Variants in NOSTRIN observed in about 807,000 individuals in gnomAD.
NOSTRIN encodes BM247 homolog.
In NOSTRIN, 63 loss-of-function variants were observed where a neutral mutation model predicts 59.0. The ratio of observed to expected loss-of-function variants is 1.07; its 90% CI spans 0.87 to 1.32. The LOEUF (loss-of-function observed/expected upper bound fraction) is 1.32. Among genes scored for constraint, NOSTRIN ranks in the 40% most tolerant of loss-of-function variants. The probability of loss-of-function intolerance (pLI) is 0.00; values close to 1 mark genes in which losing one functional copy is unlikely to be tolerated. For missense variants in NOSTRIN, 512 were observed against 473.1 expected (o/e 1.08, Z -0.76); for synonymous variants, 200 against 165.4 (o/e 1.21, Z -1.61).
At chr2:168,813,615 C>CT (rs1390160535) in intron 2 of NOSTRIN, among the ~76,000 whole-genome samples, 27 of 152,150 alleles carry the variant, frequency 1.8e-4, no homozygotes, top group Admixed American at 5.9e-4. Flanking sequence ...TCTAGAGTGA[C>CT]AAACATATCC....
At chr2:168,843,947 T>G (rs1688245060) in intron 8 of NOSTRIN, among the ~76,000 whole-genome samples, 2 of 152,194 alleles carry the variant, frequency 1.3e-5, no homozygotes, top group Non-Finnish European at 2.9e-5. Flanking sequence ...GTACGCAATC[T>G]TCATATCCAT....
intron 10 of NOSTRIN, among the ~76,000 whole-genome samples, chr2:168,851,771 C>T (rs966313785): frequency 2.6e-5 from 4 of 152,150 alleles, no homozygotes; most frequent in South Asian, 2.1e-4. Flanking sequence ...CTCCCCACCC[C>T]CACCAAAATA....
chr2:168,840,679 T>C (rs972074154), intron 7 of NOSTRIN, among the ~76,000 whole-genome samples: 1 of 152,124 alleles, frequency 6.6e-6, no homozygotes, highest in Non-Finnish European at 1.5e-5. Context: ...ATGTTTTTCA[T>C]GATTGTAAGG....
chr2:168,823,403 A>T (rs1686869696), intron 2 of NOSTRIN, among the ~76,000 whole-genome samples: 1 of 152,192 alleles, frequency 6.6e-6, no homozygotes, highest in African/African-American at 2.4e-5. Context: ...ACAGTTCTGC[A>T]GGCTGGCAGT....
intron 7 of NOSTRIN, among the ~76,000 whole-genome samples, chr2:168,836,968 GGAA>G (rs1687758498): frequency 6.6e-6 from 1 of 152,178 alleles, no homozygotes; most frequent in Non-Finnish European, 1.5e-5. Context: ...CAGACATTCT[GGAA>G]GTGTGGGATC....
At chr2:168,846,289 CAGTT>C (rs1035155232) in intron 8 of NOSTRIN, among the ~76,000 whole-genome samples, 55 of 152,252 alleles carry the variant, frequency 3.6e-4, no homozygotes, top group African/African-American at 1.3e-3. Context: ...GGAAATGGGA[CAGTT>C]AGGGTCTCTC....
intron 10 of NOSTRIN, among the ~76,000 whole-genome samples, chr2:168,854,337 C>T (rs1688949688): frequency 6.6e-6 from 1 of 152,142 alleles, no homozygotes. Context: ...AATTTTTCTC[C>T]TTCCTTATCA....
intron 7 of NOSTRIN, among the ~76,000 whole-genome samples, chr2:168,840,529 C>CAAAAAAAAAA (rs59235003): frequency 5.6e-4 from 56 of 99,310 alleles, no homozygotes; most frequent in African/African-American, 1.6e-3. Flanking sequence ...GACTCCATCT[C>CAAAAAAAAAA]AAAAAAAAAA....
chr2:168,844,680 C>G (rs1039896441), intron 8 of NOSTRIN, among the ~76,000 whole-genome samples: 2 of 152,092 alleles, frequency 1.3e-5, no homozygotes, highest in African/African-American at 4.8e-5. Flanking sequence ...ACCATCCTGG[C>G]TAACACGGCG....
chr2:168,856,751 G>C lies in NOSTRIN; in HGVS notation c.1026G>C (p.Gln342His). 6.2e-7 allele frequency: 1 copy of C among 1,614,174 alleles called. No individual in the cohort carries two copies. The highest frequency in any genetic ancestry group is 1.3e-5 in the African/African-American group (1 of 75,048). Residue 342 changes from glutamine (Q) to histidine (H), a missense_variant, in exon 12 of 16, where the codon CAG (glutamine) becomes CAC (histidine). Physicochemically the swap from Gln to His is conservative, Grantham distance 24. Transcript: ENST00000317647. ...CCTCCTTCTCTGATGCAAAGAGCCA[G>C]AAAGACACAGCAGCGTTAATGGATG... The part of the protein sequence containing the change: ...STSSFSDAKS[Q>H]KDTAALMDEN...
intron 2 of NOSTRIN, among the ~76,000 whole-genome samples, chr2:168,820,068 GC>G (rs1686642901): frequency 6.6e-6 from 1 of 152,208 alleles, no homozygotes; most frequent in Non-Finnish European, 1.5e-5. Context: ...GAAGTGAGAG[GC>G]GGTATCAATT....
chr2:168,847,033 A>T (rs1288062264), intron 8 of NOSTRIN, among the ~76,000 whole-genome samples: 1 of 152,252 alleles, frequency 6.6e-6, no homozygotes, highest in East Asian at 1.9e-4. Flanking sequence ...TGTTAAAGGC[A>T]GCAAACATCC....
intron 7 of NOSTRIN, among the ~76,000 whole-genome samples, chr2:168,837,667 G>A (rs933588484): frequency 1.3e-5 from 2 of 152,044 alleles, no homozygotes; most frequent in Non-Finnish European, 2.9e-5. Context: ...CTCATCTTCT[G>A]TTCACTCTTC....
upstream of NOSTRIN, among the ~76,000 whole-genome samples, chr2:168,800,798 G>A (rs911396556): frequency 2.0e-5 from 3 of 151,892 alleles, no homozygotes; most frequent in African/African-American, 7.3e-5. Context: ...TCCTGGAATG[G>A]TGGCTCCGGA....
At chr2:168,849,933 T>TTTG (rs1688658655) in intron 8 of NOSTRIN, among the ~76,000 whole-genome samples, 1 of 151,824 alleles carries the variant, frequency 6.6e-6, no homozygotes, top group Non-Finnish European at 1.5e-5. Flanking sequence ...TTTTTTTTTT[T>TTTG]TGAGACAGTT....
intron 2 of NOSTRIN, among the ~76,000 whole-genome samples, chr2:168,824,017 G>C (rs756536592): frequency 6.6e-6 from 1 of 152,190 alleles, no homozygotes; most frequent in Non-Finnish European, 1.5e-5. Context: ...GGAGGTTACA[G>C]TGAGCCAAGA....
intron 2 of NOSTRIN, among the ~76,000 whole-genome samples, chr2:168,820,875 A>G (rs1304479501): frequency 6.6e-6 from 1 of 152,208 alleles, no homozygotes; most frequent in Non-Finnish European, 1.5e-5. Context: ...GCTTAGCCTC[A>G]GAGACACCTT....
chr2:168,813,513 C>G (rs1472520017), intron 2 of NOSTRIN, among the ~76,000 whole-genome samples: 1 of 152,132 alleles, frequency 6.6e-6, no homozygotes, highest in Admixed American at 6.6e-5. Context: ...ACAGCAGAGC[C>G]TTCATTTCTT....
At chr2:168,856,618 GA>G in intron 11 of NOSTRIN, 71 bp from the exon 12 acceptor site, 4 of 1,373,046 alleles carry the variant, frequency 2.9e-6, no homozygotes, top group Non-Finnish European at 4.2e-6. Context: ...CTCCCTTTGA[GA>G]GCGACCGACT....
Sources: gnomAD v4.1 joint callset for allele counts (sites outside exome capture counted in the v4.1 genomes callset) on GRCh38, gnomAD v4.1.1 for gene constraint, MANE v1.5 for transcripts, NCBI Gene and HGNC (gene_info 2026-07-23, HGNC 2026-07-21) for gene names.